The following MTPN variants were observed in gnomAD, a reference collection of about 807,000 sequenced individuals.
The protein encoded by MTPN is myotrophin.
Under a neutral mutation model 13.5 loss-of-function variants are expected in MTPN, and 2 were observed. That is an observed-to-expected ratio of 0.15 (90% CI 0.06 to 0.47). The LOEUF (loss-of-function observed/expected upper bound fraction) is 0.47, where lower values mean the gene tolerates loss of function less well. Ranked by LOEUF, MTPN falls within the 20% of genes least tolerant of loss-of-function variation. The probability of loss-of-function intolerance (pLI) is 0.97; values close to 1 mark genes in which losing one functional copy is unlikely to be tolerated. For missense variants in MTPN, 79 were observed against 137.9 expected, an observed-to-expected ratio of 0.57 and a Z score of 2.14; for synonymous variants, 46 against 51.7, an observed-to-expected ratio of 0.89 and a Z score of 0.48.
intron 1 of MTPN, chr7:135,960,854 A>G (rs1444769467): frequency 6.6e-6 from 1 of 151,906 alleles, no homozygotes; most frequent in African/African-American, 2.4e-5. Flanking sequence ...TAACTTTAGA[A>G]AACATCTACA....
chr7:135,943,183 G>A (rs1799240372), intron 3 of MTPN, among the ~76,000 whole-genome samples: 1 of 152,190 alleles, frequency 6.6e-6, no homozygotes, highest in African/African-American at 2.4e-5. Context: ...ATCCTAAAAT[G>A]TGAGTGGGGG....
intron 3 of MTPN, among the ~76,000 whole-genome samples, chr7:135,944,653 AT>A (rs1356666224): frequency 1.3e-5 from 2 of 152,196 alleles, no homozygotes; most frequent in African/African-American, 2.4e-5. Context: ...TCTCAAAAAA[AT>A]AAATAAATAA....
At chr7:135,930,240 T>TG (rs1275656521) in intron 3 of MTPN, among the ~76,000 whole-genome samples, 1 of 152,232 alleles carries the variant, frequency 6.6e-6, no homozygotes, top group African/African-American at 2.4e-5. Context: ...AGGCAATCAC[T>TG]GGCTTTTATT....
At chr7:135,953,989 T>C (rs1799403266) in intron 1 of MTPN, among the ~76,000 whole-genome samples, 1 of 152,216 alleles carries the variant, frequency 6.6e-6, no homozygotes, top group Admixed American at 6.5e-5. Flanking sequence ...ATATATATAA[T>C]GTCTATATAA....
At chr7:135,974,729 C>T (rs1354498927) in intron 1 of MTPN, among the ~76,000 whole-genome samples, 1 of 152,120 alleles carries the variant, frequency 6.6e-6, no homozygotes, top group African/African-American at 2.4e-5. Flanking sequence ...TACACACCTA[C>T]TCAGATAGAT....
chr7:135,937,418 CTT>C (rs57225368), intron 3 of MTPN, among the ~76,000 whole-genome samples: 12,466 of 151,608 alleles, frequency 0.082, 582 homozygotes, highest in South Asian at 0.15. Context: ...CTCTCTCTCT[CTT>C]GAACCAAATA....
intron 3 of MTPN, among the ~76,000 whole-genome samples, chr7:135,943,840 T>C (rs1291113840): frequency 1.3e-5 from 2 of 152,252 alleles, no homozygotes; most frequent in South Asian, 2.1e-4. Flanking sequence ...CTCTCAGGTA[T>C]AGCTCAGTGT....
chr7:135,935,975 T>TTAAC (rs139319660), intron 3 of MTPN, among the ~76,000 whole-genome samples: 2,459 of 152,258 alleles, frequency 0.016, 30 homozygotes, highest in African/African-American at 0.037. Flanking sequence ...CACTATCCCC[T>TTAAC]TAACTTCCAA....
chr7:135,954,577 A>C (rs1799412472), intron 1 of MTPN, among the ~76,000 whole-genome samples: 1 of 152,208 alleles, frequency 6.6e-6, no homozygotes, highest in Admixed American at 6.5e-5. Context: ...AGAGTGAGAC[A>C]AAGCAAATAA....
intron 3 of MTPN, among the ~76,000 whole-genome samples, chr7:135,948,304 TG>T (rs1799314115): frequency 6.6e-6 from 1 of 152,190 alleles, no homozygotes; most frequent in Non-Finnish European, 1.5e-5. Flanking sequence ...AAATGTACTA[TG>T]CTGATTTCAA....
chr7:135,951,263 T>C (rs565965827), intron 2 of MTPN, among the ~76,000 whole-genome samples: 1 of 152,272 alleles, frequency 6.6e-6, no homozygotes, highest in East Asian at 1.9e-4. Context: ...GCTTTAGAAC[T>C]TGAAAAGCAA....
chr7:135,930,316 A>G (rs2116335555), intron 3 of MTPN, among the ~76,000 whole-genome samples: 1 of 152,362 alleles, frequency 6.6e-6, no homozygotes, highest in East Asian at 1.9e-4. Context: ...TTATCTAATT[A>G]GGCTTTAAAA....
intron 1 of MTPN, among the ~76,000 whole-genome samples, chr7:135,959,012 TAAAA>T (rs1799484698): frequency 6.6e-6 from 1 of 152,160 alleles, no homozygotes; most frequent in Admixed American, 6.6e-5. Flanking sequence ...ATTTATAAAA[TAAAA>T]TCTGGAAATT....
chr7:135,929,126 C>A lies in MTPN; in HGVS notation c.*800G>T, dbSNP rs1798973673. ...GATTCTATTTTTAAATCCCCTTTTA[C>A]TACCAGCAGGAGTTTGAAAGTGTTT... is the stretch of plus-strand genomic sequence containing the variant. On this transcript the variant is annotated 3_prime_UTR_variant, in exon 4 of 4. Transcript: ENST00000393085. 1 of 166,986 alleles carries A rather than the reference C, an allele frequency of 6.0e-6. No individual in the cohort carries two copies. Among genetic ancestry groups the A allele is most frequent in the Non-Finnish European group, 1.5e-5 (1 of 68,110 alleles). 10.3% of individuals were successfully genotyped at this position (166,986 alleles called of 1,614,324 possible).
intron 1 of MTPN, among the ~76,000 whole-genome samples, chr7:135,965,305 C>T (rs1410397642): frequency 6.6e-6 from 1 of 151,910 alleles, no homozygotes; most frequent in Non-Finnish European, 1.5e-5. Flanking sequence ...AGATACAAAA[C>T]TGAGGTTTGA....
At chr7:135,955,205 G>T (rs778829641) in intron 1 of MTPN, among the ~76,000 whole-genome samples, 8 of 151,968 alleles carry the variant, frequency 5.3e-5, no homozygotes, top group Non-Finnish European at 1.0e-4. Flanking sequence ...AAAATAGAAA[G>T]ATTTCAAATG....
At position 135,929,253 on chromosome 7, in the gene MTPN, A is replaced by G. The variant is rs1798975913; in HGVS notation, c.*673T>C. The stretch of plus-strand genomic sequence containing the variant: ...AACTTAAGATTTTATAAATAAAACT[A>G]GTCAGTTTTATCTAAAGAGACATGA... On this transcript the variant is annotated 3_prime_UTR_variant, in exon 4 of 4. Coordinates refer to ENST00000393085, the MANE Select transcript of MTPN (RefSeq NM_145808.4). 6.0e-6 allele frequency: 1 copy of G among 167,078 alleles called. No individual in the cohort carries two copies. 10.3% of individuals were successfully genotyped at this position (167,078 alleles called of 1,614,324 possible). A position where few individuals can be genotyped will look rare whatever the true frequency, so the allele number is the denominator to read the frequency against.
chr7:135,941,799 T>C (rs547497485), intron 3 of MTPN, among the ~76,000 whole-genome samples: 1 of 152,146 alleles, frequency 6.6e-6, no homozygotes, highest in East Asian at 1.9e-4. Context: ...AAATTCATCA[T>C]GGAAATAGGA....
At chr7:135,976,940 C>CCAA in intron 1 of MTPN, 89 bp downstream of exon 1, 1 of 778,884 alleles carries the variant, frequency 1.3e-6, no homozygotes. Flanking sequence ...CGCCCACCCC[C>CCAA]ATCCCCGCAG....
Sources: allele counts gnomAD v4.1 joint callset (sites outside exome capture counted in the v4.1 genomes callset), GRCh38; gene constraint gnomAD v4.1.1; transcripts MANE v1.5; gene names NCBI Gene and HGNC (gene_info 2026-07-23, HGNC 2026-07-21).